Variants in POMK observed in about 807,000 individuals in gnomAD.
POMK encodes the protein protein O-mannose kinase, also known as Sugen kinase 196.
POMK carries 19 observed loss-of-function variants against 23.0 expected under a neutral mutation model. The observed-to-expected ratio is 0.83, with a 90% CI of 0.58 to 1.21. The LOEUF (loss-of-function observed/expected upper bound fraction) is 1.21. Ranked by LOEUF, POMK falls within the 50% of genes most tolerant of loss-of-function variation. The pLI is 0.00. For missense variants in POMK, 410 were observed against 431.3 expected, an observed-to-expected ratio of 0.95 and a Z score of 0.44; for synonymous variants, 173 against 171.6, an observed-to-expected ratio of 1.01 and a Z score of -0.06.
intron 4 of POMK, among the ~76,000 whole-genome samples, chr8:43,111,696 A>G (rs1400541437): frequency 6.6e-6 from 1 of 152,158 alleles, no homozygotes; most frequent in Non-Finnish European, 1.5e-5. Flanking sequence ...GACACCTCAC[A>G]CGGCCAGGTA....
intron 4 of POMK, 60 bp from the exon 5 acceptor site, chr8:43,122,047 T>C: frequency 2.6e-6 from 4 of 1,511,386 alleles, no homozygotes; most frequent in Non-Finnish European, 3.6e-6. Context: ...TATTTGTTGT[T>C]CTTTGGTCAC....
chr8:43,098,427 C>T (rs1484006360), intron 2 of POMK, among the ~76,000 whole-genome samples: 2 of 152,142 alleles, frequency 1.3e-5, no homozygotes, highest in Admixed American at 6.5e-5. Context: ...CAGGGTTCAC[C>T]CATGTTGCAG....
intron 1 of POMK, among the ~76,000 whole-genome samples, chr8:43,094,620 T>G (rs930406510): frequency 2.0e-5 from 3 of 152,232 alleles, no homozygotes; most frequent in African/African-American, 7.2e-5. Context: ...AATAATCCTC[T>G]TAATGTACCT....
At chr8:43,104,201 C>A (rs1251456740) in intron 4 of POMK, among the ~76,000 whole-genome samples, 1 of 152,088 alleles carries the variant, frequency 6.6e-6, no homozygotes, top group African/African-American at 2.4e-5. Context: ...CGGTGCACTG[C>A]AATCTCCACC....
At position 43,122,142 on chromosome 8, in the gene POMK, A is replaced by C. The variant is rs1184160543; in HGVS notation, c.318A>C (p.Ala106=). The change falls in exon 5 of 5, where the codon GCA becomes GCC. Residue 106 remains alanine, a synonymous_variant. Coordinates refer to ENST00000331373, the MANE Select transcript of POMK (RefSeq NM_032237.5). ...CTGAGTGGAAGGAGCACAAAGTTGC[A>C]CTCTCACAGCTCACCAGCCTGGAGA... The part of the protein sequence containing the change: ...FLSEWKEHKV[A]LSQLTSLEMK... 1 of 1,614,130 alleles carries C rather than the reference A, an allele frequency of 6.2e-7. No homozygotes were observed. Among genetic ancestry groups the C allele is most frequent in the Non-Finnish European group, 8.5e-7 (1 of 1,180,026 alleles).
chr8:43,117,058 C>CT (rs1811816124), intron 4 of POMK, among the ~76,000 whole-genome samples: 1 of 152,174 alleles, frequency 6.6e-6, no homozygotes, highest in African/African-American at 2.4e-5. Context: ...AGGAAAAGGA[C>CT]TTTCACAAGG....
In POMK at chr8:43,115,823, G is replaced by A. The variant is rs62517603; in HGVS notation, c.283-6284G>A. On this transcript the variant is annotated intron_variant, in intron 4 of 4. Coordinates refer to ENST00000331373, the MANE Select transcript of POMK (RefSeq NM_032237.5). ...AGCCCTTGCAACGACAAGGCCCTGC[G>A]AGACTTAACAGCCTCCCTCCAGCTC... 4.0e-3 allele frequency among the ~76,000 whole-genome samples: 608 copies of A among 152,292 alleles called. 3 individuals carry two copies. Among genetic ancestry groups the A allele is most frequent in the Middle Eastern group, 6.8e-3 (2 of 294 alleles).
At position 43,122,967 on chromosome 8, in the gene POMK, C is replaced by T. The variant is rs1342115052; in HGVS notation, c.*90C>T. 14 of 1,236,120 alleles carry T rather than the reference C, an allele frequency of 1.1e-5. No individual in the cohort carries two copies. The highest frequency in any genetic ancestry group is 7.3e-5 in the South Asian group (5 of 68,140). The allele number at this position is 1,236,120 out of a possible 1,614,324, so 76.6% of individuals were successfully genotyped here. ...ATGGTGGAGTTTTTTGCCTGAGTTT[C>T]GTGTTTTATTGTTTTTTTTATGGCT... is the stretch of plus-strand genomic sequence containing the variant. On this transcript the variant is annotated 3_prime_UTR_variant, in exon 5 of 5. Coordinates refer to ENST00000331373, the MANE Select transcript of POMK (RefSeq NM_032237.5).
chr8:43,096,972 G>A (rs182820610), intron 1 of POMK, among the ~76,000 whole-genome samples: 3 of 152,310 alleles, frequency 2.0e-5, no homozygotes, highest in East Asian at 1.9e-4. Flanking sequence ...TATGAGAAGC[G>A]GAGTTTGGTA....
chr8:43,118,054 A>G (rs1350307134), intron 4 of POMK, among the ~76,000 whole-genome samples: 1 of 152,248 alleles, frequency 6.6e-6, no homozygotes, highest in East Asian at 1.9e-4. Context: ...TTATAGCTAC[A>G]TAATAATCTT....
At chr8:43,111,251 C>G (rs147088443) in intron 4 of POMK, among the ~76,000 whole-genome samples, 1 of 152,288 alleles carries the variant, frequency 6.6e-6, no homozygotes, top group East Asian at 1.9e-4. Flanking sequence ...GCGAGCTCAA[C>G]AAGTGGCACA....
At chr8:43,111,358 G>A (rs1469828961) in intron 4 of POMK, among the ~76,000 whole-genome samples, 1 of 152,190 alleles carries the variant, frequency 6.6e-6, no homozygotes, top group African/African-American at 2.4e-5. Flanking sequence ...CTGCAAGGCC[G>A]CAGCGAGGCT....
chr8:43,105,204 C>T (rs985663198), intron 4 of POMK, among the ~76,000 whole-genome samples: 3 of 152,192 alleles, frequency 2.0e-5, no homozygotes, highest in African/African-American at 4.8e-5. Flanking sequence ...AATATCTTCT[C>T]TTCTGGCTAT....
intron 1 of POMK, among the ~76,000 whole-genome samples, chr8:43,095,171 T>C (rs1045612097): frequency 2.6e-5 from 4 of 152,172 alleles, no homozygotes; most frequent in South Asian, 4.1e-4. Flanking sequence ...AGGGGAAGAA[T>C]GGGCTTGAGG....
chr8:43,115,460 T>C (rs75067432), intron 4 of POMK, among the ~76,000 whole-genome samples: 2,953 of 152,314 alleles, frequency 0.019, 116 homozygotes, highest in East Asian at 0.19. Flanking sequence ...TCAGTCCTGC[T>C]GTTCTGGCCA....
chr8:43,110,927 A>C (rs1208165994), intron 4 of POMK, among the ~76,000 whole-genome samples: 2 of 152,132 alleles, frequency 1.3e-5, no homozygotes, highest in African/African-American at 4.8e-5. Context: ...TCTTAAAAAA[A>C]AAAAGTCTTG....
At chr8:43,102,023 C>A (rs1440017377) in intron 2 of POMK, among the ~76,000 whole-genome samples, 1 of 152,154 alleles carries the variant, frequency 6.6e-6, no homozygotes, top group African/African-American at 2.4e-5. Flanking sequence ...AAGGTCACCT[C>A]CTTAGAGAGG....
chr8:43,099,745 A>G (rs1245112943), intron 2 of POMK, among the ~76,000 whole-genome samples: 1 of 152,130 alleles, frequency 6.6e-6, no homozygotes, highest in Non-Finnish European at 1.5e-5. Context: ...GCTCGGGGCC[A>G]GTTTCATGGT....
intron 4 of POMK, among the ~76,000 whole-genome samples, 167 bp from the exon 5 acceptor site, chr8:43,121,940 C>T (rs1004117575): frequency 5.3e-5 from 8 of 152,254 alleles, no homozygotes; most frequent in African/African-American, 9.6e-5. Flanking sequence ...GTTTGCTCAT[C>T]GGTCTCTCTT....
Sources: allele counts gnomAD v4.1 joint callset (sites outside exome capture counted in the v4.1 genomes callset), GRCh38; gene constraint gnomAD v4.1.1; transcripts MANE v1.5; gene names NCBI Gene and HGNC (gene_info 2026-07-23, HGNC 2026-07-21).